Variants in PLEKHA6 observed in about 807,000 individuals in gnomAD.
PLEKHA6 encodes pleckstrin homology domain containing A6, also known as pleckstrin homology domain-containing family A member 6.
PLEKHA6 carries 60 observed loss-of-function variants against 116.7 expected under a neutral mutation model. The ratio of observed to expected loss-of-function variants is 0.51; its 90% CI spans 0.42 to 0.64. The LOEUF is 0.64. Among genes scored for constraint, PLEKHA6 ranks in the 30% least tolerant of loss-of-function variants. The pLI, the probability that PLEKHA6 is intolerant of heterozygous loss-of-function variation, is 0.00. For missense variants in PLEKHA6, 1,338 were observed against 1,422.7 expected (o/e 0.94, Z 0.96); for synonymous variants, 489 against 556.1 (o/e 0.88, Z 1.70).
At chr1:204,373,077 T>G (rs1224869649) in intron 1 of PLEKHA6, among the ~76,000 whole-genome samples, 1 of 148,056 alleles carries the variant, frequency 6.8e-6, no homozygotes, top group Non-Finnish European at 1.5e-5. Flanking sequence ...CTGGCTATAT[T>G]TTTTCTTTCT....
intron 1 of PLEKHA6, among the ~76,000 whole-genome samples, chr1:204,338,562 CAAG>C (rs1324872617): frequency 6.6e-6 from 1 of 152,116 alleles, no homozygotes; most frequent in South Asian, 2.1e-4. Context: ...TTGAGATTAA[CAAG>C]AAGAACATGA....
At chr1:204,287,183 G>A (rs951814746) in intron 1 of PLEKHA6, among the ~76,000 whole-genome samples, 4 of 152,050 alleles carry the variant, frequency 2.6e-5, no homozygotes, top group African/African-American at 9.7e-5. Flanking sequence ...CTCCTAGCTG[G>A]GGGCGGGAGG....
At chr1:204,302,847 G>C (rs527819004) in intron 1 of PLEKHA6, among the ~76,000 whole-genome samples, 1 of 152,042 alleles carries the variant, frequency 6.6e-6, no homozygotes, top group East Asian at 1.9e-4. Context: ...TTGCACTCCA[G>C]CCTGGGGGAC....
chr1:204,343,752 G>A (rs924454556), intron 1 of PLEKHA6, among the ~76,000 whole-genome samples: 1 of 152,192 alleles, frequency 6.6e-6, no homozygotes. Flanking sequence ...TCAAGCAGTG[G>A]CTGGCCTGAC....
chr1:204,280,359 C>G (rs1668466326), intron 1 of PLEKHA6: 4 of 985,260 alleles, frequency 4.1e-6, no homozygotes, highest in Non-Finnish European at 4.8e-6. Context: ...TACACATGCA[C>G]ACACACTCCC....
intron 1 of PLEKHA6, among the ~76,000 whole-genome samples, chr1:204,300,193 AG>A (rs1204884352): frequency 1.3e-5 from 2 of 152,174 alleles, no homozygotes; most frequent in Non-Finnish European, 2.9e-5. Flanking sequence ...TCACTAATGA[AG>A]ACCAGAGAGA....
Position 204,257,882 on chromosome 1 carries a change from G to A in PLEKHA6, c.1008-13C>T, listed in dbSNP as rs772572440. On this transcript the variant is annotated splice_polypyrimidine_tract_variant and intron_variant, in intron 8 of 22. Transcript: ENST00000272203. The surrounding 1 kb of genome is among the most constrained non-coding windows in gnomAD (Gnocchi z 6.5). ...GAACCTAGAGGGACTGAGAGAGAGG[G>A]GACATTGTAATGAAGGCAGACAACA... The A allele has an allele frequency of 6.9e-6, 11 of 1,587,778 alleles. No homozygotes were observed. Among genetic ancestry groups the A allele is most frequent in the Non-Finnish European group, 9.5e-6 (11 of 1,162,648 alleles).
rs1474226021 is a variant in PLEKHA6 at position 204,257,332 on chromosome 1, A to G, written c.1524+21T>C. On this transcript the variant is annotated intron_variant, in intron 9 of 22. Coordinates refer to ENST00000272203, the MANE Select transcript of PLEKHA6 (RefSeq NM_014935.5). The surrounding 1 kb of genome is among the most constrained non-coding windows in gnomAD (Gnocchi z 6.5). ...TGGGGACCTCAGGGGATGAGGAAGG[A>G]AGGGCAGGCTGGTGGCTCACCTTGG... 1 of 1,555,394 alleles carries G rather than the reference A, an allele frequency of 6.4e-7. No homozygotes were observed. Among genetic ancestry groups the G allele is most frequent in the Admixed American group, 1.9e-5 (1 of 51,652 alleles).
In PLEKHA6 at chr1:204,257,605, G is replaced by A. The variant is rs563269667; in HGVS notation, c.1272C>T (p.Ile424=). 1 of 1,609,426 alleles carries A rather than the reference G, an allele frequency of 6.2e-7. No individual in the cohort carries two copies. Residue 424 remains isoleucine (I), a synonymous_variant, in exon 9 of 23, where the codon ATC becomes ATT. Transcript: ENST00000272203. The surrounding 1 kb of genome is among the most constrained non-coding windows in gnomAD (Gnocchi z 6.5). ...AGACTGGCTGCCGGGAGGGGCTTGG[G>A]ATCCAGACGGTGGCATCCTGCCGCC... ...SYGRQDATVW[I]PSPSRQPVYY...
At chr1:204,253,224 A>C (rs1327807382) in intron 9 of PLEKHA6, among the ~76,000 whole-genome samples, 1 of 152,096 alleles carries the variant, frequency 6.6e-6, no homozygotes, top group Non-Finnish European at 1.5e-5. Flanking sequence ...TGATTCTCCC[A>C]ATACATCTGT....
intron 15 of PLEKHA6, chr1:204,243,006 G>A: frequency 2.5e-6 from 1 of 398,970 alleles, no homozygotes; most frequent in Non-Finnish European, 4.4e-6. Context: ...ACCGACCTTT[G>A]GGAAAATTAA....
At chr1:204,274,076 G>C (rs1002705102) in intron 2 of PLEKHA6, among the ~76,000 whole-genome samples, 2 of 152,068 alleles carry the variant, frequency 1.3e-5, no homozygotes, top group Non-Finnish European at 2.9e-5. Context: ...TGGGACCACA[G>C]GCATGGGCCA....
At position 204,225,494 on chromosome 1, in the gene PLEKHA6, T is replaced by C. The variant is rs536922448; in HGVS notation, c.3032-1909A>G. Among the ~76,000 whole-genome samples the C allele has an allele frequency of 2.0e-5, 3 of 151,018 alleles. No homozygotes were observed. The East Asian group carries it at 5.8e-4, about 29-fold the overall frequency. On this transcript the variant is annotated intron_variant, in intron 21 of 22. Coordinates refer to ENST00000272203, the MANE Select transcript of PLEKHA6 (RefSeq NM_014935.5). ...TCACACATACTCACATTCATGACACTGTACTTTCTCCCAGCCTGTGCACAC... is the reference window on the plus strand; with the variant it reads ...TCACACATACTCACATTCATGACACCGTACTTTCTCCCAGCCTGTGCACAC...
intron 17 of PLEKHA6, among the ~76,000 whole-genome samples, chr1:204,231,613 G>C (rs1236569465): frequency 1.4e-5 from 2 of 144,798 alleles, no homozygotes; most frequent in Non-Finnish European, 3.0e-5. Context: ...TGTCACTCCA[G>C]CTGGAGTGCA....
At chr1:204,224,059 A>G (rs1462745077) in intron 21 of PLEKHA6, among the ~76,000 whole-genome samples, 1 of 152,320 alleles carries the variant, frequency 6.6e-6, no homozygotes, top group East Asian at 1.9e-4. Context: ...AATCAATGCC[A>G]TAAAAACAGA....
At chr1:204,247,851 G>T (rs1663954419) in intron 12 of PLEKHA6, among the ~76,000 whole-genome samples, 1 of 152,060 alleles carries the variant, frequency 6.6e-6, no homozygotes, top group Non-Finnish European at 1.5e-5. Context: ...GCGACTTGGG[G>T]GCTGAGGCAG....
chr1:204,244,828 T>C, intron 15 of PLEKHA6, 36 bp downstream of exon 15: 4 of 1,488,346 alleles, frequency 2.7e-6, no homozygotes, highest in Non-Finnish European at 2.7e-6. Context: ...TGGTCCTCCC[T>C]CCCCCACCTA....
chr1:204,285,656 T>C (rs1669087386), intron 1 of PLEKHA6, among the ~76,000 whole-genome samples: 1 of 152,182 alleles, frequency 6.6e-6, no homozygotes, highest in Admixed American at 6.5e-5. Flanking sequence ...GTTGTATTTT[T>C]AGTAGAGACA....
intron 17 of PLEKHA6, among the ~76,000 whole-genome samples, chr1:204,233,684 A>G (rs1661546426): frequency 6.6e-6 from 1 of 152,112 alleles, no homozygotes; most frequent in Non-Finnish European, 1.5e-5. Context: ...CCTGGGCTCA[A>G]GTGATCCTCC....
Sources: gnomAD v4.1 joint callset for allele counts (sites outside exome capture counted in the v4.1 genomes callset) on GRCh38, gnomAD v4.1.1 for gene constraint, Gnocchi (gnomAD v3.1) non-coding constraint, MANE v1.5 for transcripts, NCBI Gene and HGNC (gene_info 2026-07-23, HGNC 2026-07-21) for gene names.